MAPKAP1: variants seen among roughly 807,000 people sequenced by gnomAD.
The protein encoded by MAPKAP1 is target of rapamycin complex 2 subunit MAPKAP1.
Under a neutral mutation model 65.7 loss-of-function variants are expected in MAPKAP1, and 20 were observed. That is an observed-to-expected ratio of 0.30 (90% CI 0.21 to 0.44). The LOEUF (loss-of-function observed/expected upper bound fraction) is 0.44, where lower values mean the gene tolerates loss of function less well. MAPKAP1 is among the 20% of genes least tolerant of loss of function. The pLI is 1.00. For missense variants in MAPKAP1, 423 were observed against 648.0 expected (o/e 0.65, Z 3.77); for synonymous variants, 222 against 244.3 (o/e 0.91, Z 0.85).
intron 8 of MAPKAP1, among the ~76,000 whole-genome samples, chr9:125,486,037 T>A (rs951700726): frequency 6.6e-6 from 1 of 152,226 alleles, no homozygotes; most frequent in African/African-American, 2.4e-5. Flanking sequence ...AGTTTCTTAC[T>A]CATTTTTATA....
At chr9:125,484,093 T>C (rs1854410381) in intron 9 of MAPKAP1, among the ~76,000 whole-genome samples, 1 of 152,138 alleles carries the variant, frequency 6.6e-6, no homozygotes, top group Non-Finnish European at 1.5e-5. Flanking sequence ...AGCAATGAGC[T>C]AGCTGAGTTA....
At chr9:125,671,297 TC>T (rs1314792222) in intron 2 of MAPKAP1, among the ~76,000 whole-genome samples, 2 of 152,224 alleles carry the variant, frequency 1.3e-5, no homozygotes, top group Admixed American at 1.3e-4. Flanking sequence ...AGCAAATTAT[TC>T]TTATGTCACA....
intron 5 of MAPKAP1, among the ~76,000 whole-genome samples, chr9:125,584,712 C>T (rs1461780614): frequency 6.6e-6 from 1 of 152,158 alleles, no homozygotes; most frequent in Non-Finnish European, 1.5e-5. Context: ...CAGGTGTGAG[C>T]CCCCGCACCC....
At chr9:125,634,929 GA>G (rs1028652416) in intron 4 of MAPKAP1, among the ~76,000 whole-genome samples, 22 of 152,282 alleles carry the variant, frequency 1.4e-4, no homozygotes, top group African/African-American at 4.6e-4. Context: ...GGAAAGAACA[GA>G]AGCTGGGACA....
chr9:125,663,067 GTT>G (rs968512358), intron 3 of MAPKAP1, among the ~76,000 whole-genome samples: 31 of 151,358 alleles, frequency 2.0e-4, no homozygotes, highest in African/African-American at 7.5e-4. Context: ...ACAATAAAAA[GTT>G]TTTTTTTAAG....
At chr9:125,509,997 G>C (rs1829252912) in intron 7 of MAPKAP1, among the ~76,000 whole-genome samples, 1 of 152,098 alleles carries the variant, frequency 6.6e-6, no homozygotes, top group African/African-American at 2.4e-5. Context: ...TAGCTTCTTG[G>C]ACTTTGTCCT....
intron 4 of MAPKAP1, among the ~76,000 whole-genome samples, chr9:125,613,793 A>C (rs113762542): frequency 0.022 from 3,282 of 151,900 alleles, 46 homozygotes; most frequent in South Asian, 0.04. Flanking sequence ...ACTGAAAAAG[A>C]GCAATTTCTT....
At chr9:125,680,915 T>A (rs1834802739) in intron 1 of MAPKAP1, among the ~76,000 whole-genome samples, 1 of 152,232 alleles carries the variant, frequency 6.6e-6, no homozygotes, top group South Asian at 2.1e-4. Context: ...TATTTAAGGA[T>A]AGCTATGCTT....
chr9:125,625,737 G>A (rs1243917347), intron 4 of MAPKAP1, among the ~76,000 whole-genome samples: 1 of 152,152 alleles, frequency 6.6e-6, no homozygotes, highest in Non-Finnish European at 1.5e-5. Flanking sequence ...AGAGGTTGCA[G>A]TGAGCCGAGA....
intron 1 of MAPKAP1, among the ~76,000 whole-genome samples, chr9:125,676,120 A>T (rs1304362967): frequency 1.3e-5 from 2 of 152,328 alleles, no homozygotes; most frequent in East Asian, 3.9e-4. Flanking sequence ...TAACTCTGGC[A>T]AGGGTTCAGA....
intron 5 of MAPKAP1, among the ~76,000 whole-genome samples, chr9:125,580,293 C>A (rs1297988174): frequency 6.6e-6 from 1 of 152,140 alleles, no homozygotes; most frequent in African/African-American, 2.4e-5. Context: ...ACTCAAATGT[C>A]CATCAATGAT....
chr9:125,444,510 A>G lies in MAPKAP1; in HGVS notation c.1434T>C (p.Ile478=). The G allele has an allele frequency of 3.1e-6, 5 of 1,612,156 alleles. No individual in the cohort carries two copies. Among genetic ancestry groups the G allele is most frequent in the Non-Finnish European group, 4.2e-6 (5 of 1,178,678 alleles). ...FESDAATVNE[I]VLKVNYILES... ...AAGAAGGAATACTCACCTTGAGCAC[A>G]ATTTCATTGACGGTAGCAGCGTCCG... is the stretch of plus-strand genomic sequence containing the variant. The change falls in exon 11 of 12, where the codon ATT becomes ATC. Residue 478 remains isoleucine (I), a synonymous_variant. Transcript: ENST00000265960.
chr9:125,630,911 G>C (rs948688329), intron 4 of MAPKAP1, among the ~76,000 whole-genome samples: 1 of 150,532 alleles, frequency 6.6e-6, no homozygotes, highest in Non-Finnish European at 1.5e-5. Context: ...AACAAACAAA[G>C]GGAGACGCCA....
chr9:125,707,035 G>A lies in MAPKAP1; in HGVS notation c.-134C>T. The A allele has an allele frequency of 2.5e-6, 1 of 397,648 alleles. No individual in the cohort carries two copies. Among genetic ancestry groups the A allele is most frequent in the Non-Finnish European group, 4.4e-6 (1 of 225,490 alleles). 24.6% of individuals were successfully genotyped at this position (397,648 alleles called of 1,614,324 possible). Reference sequence around the variant, plus strand: ...GACACGTTCCTGAGGGGAGGGCCCGGCTCCCCCACGCCTCCCGGCCCCTGC... The same window carrying A: ...GACACGTTCCTGAGGGGAGGGCCCGACTCCCCCACGCCTCCCGGCCCCTGC... On this transcript the variant is annotated 5_prime_UTR_variant, in exon 1 of 12. Transcript: ENST00000265960.
At chr9:125,469,194 T>A (rs1352929511) in intron 9 of MAPKAP1, among the ~76,000 whole-genome samples, 1 of 152,054 alleles carries the variant, frequency 6.6e-6, no homozygotes, top group African/African-American at 2.4e-5. Flanking sequence ...AATGAAGATA[T>A]AAGAAATAAT....
chr9:125,652,311 C>T (rs994239558), intron 4 of MAPKAP1: 163 of 1,119,230 alleles, frequency 1.5e-4, no homozygotes, highest in Non-Finnish European at 1.8e-4. Context: ...TCCCAAAATG[C>T]TGCTAAAAGC....
chr9:125,562,672 T>C (rs757186593), intron 5 of MAPKAP1, among the ~76,000 whole-genome samples: 29 of 152,214 alleles, frequency 1.9e-4, no homozygotes, highest in Non-Finnish European at 4.0e-4. Context: ...AGCAGTATCA[T>C]TAGCTACATT....
Position 125,589,624 on chromosome 9 carries a change from T to C in MAPKAP1, c.499-3897A>G, listed in dbSNP as rs148410493. 9.0e-3 allele frequency among the ~76,000 whole-genome samples: 1,376 copies of C among 152,320 alleles called. 12 individuals are homozygous for C. The highest frequency in any genetic ancestry group is 0.044 in the Middle Eastern group (13 of 294). Reference sequence around the variant, plus strand: ...CATCTTTAACTCTATAATTCTATCATTCTGAGGTGAAAAAGGTCAGTACAG... The same window carrying C: ...CATCTTTAACTCTATAATTCTATCACTCTGAGGTGAAAAAGGTCAGTACAG... On this transcript the variant is annotated intron_variant, in intron 4 of 11. Coordinates refer to ENST00000265960, the MANE Select transcript of MAPKAP1 (RefSeq NM_001006617.3).
chr9:125,693,552 TAC>T (rs1162855421), intron 1 of MAPKAP1, among the ~76,000 whole-genome samples: 85 of 148,994 alleles, frequency 5.7e-4, no homozygotes, highest in Admixed American at 2.5e-3. Context: ...TATATACATA[TAC>T]ACACACATAT....
Sources: allele counts gnomAD v4.1 joint callset (sites outside exome capture counted in the v4.1 genomes callset), GRCh38; gene constraint gnomAD v4.1.1; transcripts MANE v1.5; gene names NCBI Gene and HGNC (gene_info 2026-07-23, HGNC 2026-07-21).